Variants in FRY observed in about 807,000 individuals in gnomAD.
FRY encodes protein furry homolog.
A neutral mutation model predicts 348.4 loss-of-function variants in FRY; 128 were observed. The ratio of observed to expected loss-of-function variants is 0.37; its 90% confidence interval spans 0.32 to 0.43. FRY has a LOEUF of 0.43. Ranked by LOEUF, FRY falls within the 20% of genes least tolerant of loss-of-function variation. The pLI, the probability that FRY is intolerant of heterozygous loss-of-function variation, is 1.00. For synonymous variants in FRY, 1,370 were observed against 1,374.7 expected (o/e 1.00, Z 0.08); for missense variants, 2,736 against 3,695.2 (o/e 0.74, Z 6.73).
intron 23 of FRY, among the ~76,000 whole-genome samples, chr13:32,182,144 T>C (rs1251692509): frequency 6.6e-6 from 1 of 152,214 alleles, no homozygotes; most frequent in Non-Finnish European, 1.5e-5. Context: ...TTGGGCATAC[T>C]ACAGACAAAA....
chr13:32,064,383 C>T (rs2138457348), intron 1 of FRY, among the ~76,000 whole-genome samples: 1 of 152,080 alleles, frequency 6.6e-6, no homozygotes, highest in East Asian at 1.9e-4. Flanking sequence ...AGTCCTGCCC[C>T]AACCCCCACA....
Position 32,239,996 on chromosome 13 carries a change from C to T in FRY, c.6687+115C>T. ...TTCGCCTCCCAGAGTGCTAGGATTA[C>T]AGGCGTGGGCCACCATTCCCTGCCA... On this transcript the variant is annotated intron_variant, in intron 46 of 60. Coordinates refer to ENST00000542859, the MANE Select transcript of FRY (RefSeq NM_023037.3). This position sits in a 1 kb window ranked among gnomAD's most constrained non-coding sequence, Gnocchi z 4.3. 1 of 805,150 alleles carries T rather than the reference C, an allele frequency of 1.2e-6. No individual in the cohort carries two copies. 49.9% of individuals were successfully genotyped at this position (805,150 alleles called of 1,614,324 possible).
At chr13:32,067,741 A>C (rs1256697066) in intron 1 of FRY, among the ~76,000 whole-genome samples, 1 of 152,212 alleles carries the variant, frequency 6.6e-6, no homozygotes, top group African/African-American at 2.4e-5. Flanking sequence ...CAGTTGGTCC[A>C]AGTTCCTTCC....
intron 1 of FRY, among the ~76,000 whole-genome samples, chr13:32,034,495 A>G (rs1044082867): frequency 4.6e-5 from 7 of 152,166 alleles, no homozygotes; most frequent in Non-Finnish European, 1.0e-4. Context: ...GATGTCTGGA[A>G]ATAAAATGTC....
chr13:32,260,935 T>G (rs898412826), intron 51 of FRY, among the ~76,000 whole-genome samples: 4 of 152,224 alleles, frequency 2.6e-5, no homozygotes, highest in Non-Finnish European at 5.9e-5. Context: ...TCAAGGCCAG[T>G]CTGGCCAACA....
In FRY at chr13:32,295,298, G is replaced by C; in HGVS notation, c.8880G>C (p.Thr2960=). 6.2e-7 allele frequency: 1 copy of C among 1,613,878 alleles called. No homozygotes were observed. Among genetic ancestry groups the C allele is most frequent in the Non-Finnish European group, 8.5e-7 (1 of 1,179,862 alleles). The change falls in exon 61 of 61, where the codon ACG becomes ACC. Residue 2960 remains threonine, a synonymous_variant. Transcript: ENST00000542859. ...IYFRHQTLGQ[T]GTYALVGSNQ... ...TCCGTCACCAAACTCTGGGACAGAC[G>C]GGTACTTATGCCCTGGTGGGGTCTA... is the stretch of plus-strand genomic sequence containing the variant.
At chr13:32,238,359 C>T (rs775824978) in intron 44 of FRY, among the ~76,000 whole-genome samples, 2 of 151,096 alleles carry the variant, frequency 1.3e-5, no homozygotes, top group Non-Finnish European at 2.9e-5. Flanking sequence ...GCTTTTTGTT[C>T]TTCTTGGAAA....
At position 32,295,513 on chromosome 13, in the gene FRY, G is replaced by A. The variant is rs761227301; in HGVS notation, c.*53G>A. On this transcript the variant is annotated 3_prime_UTR_variant, in exon 61 of 61. Coordinates refer to ENST00000542859, the MANE Select transcript of FRY (RefSeq NM_023037.3). ...CAAACTGGCAGTGCTGCCATGCTGGGGCAACGTCATTCAGTGTCTTCTCGG... is the reference window on the plus strand; with the variant it reads ...CAAACTGGCAGTGCTGCCATGCTGGAGCAACGTCATTCAGTGTCTTCTCGG... The A allele has an allele frequency of 6.4e-6, 10 of 1,557,790 alleles. No individual in the cohort carries two copies. Among genetic ancestry groups the A allele is most frequent in the African/African-American group, 1.4e-5 (1 of 74,054 alleles).
intron 2 of FRY, among the ~76,000 whole-genome samples, chr13:32,091,537 C>G (rs913689867): frequency 2.6e-5 from 4 of 152,172 alleles, no homozygotes; most frequent in Admixed American, 1.3e-4. Flanking sequence ...TTGGTTCATA[C>G]GAAGTAGAGT....
At chr13:32,190,812 A>G (rs1395777997) in intron 28 of FRY, among the ~76,000 whole-genome samples, 3 of 152,208 alleles carry the variant, frequency 2.0e-5, no homozygotes, top group Non-Finnish European at 2.9e-5. Flanking sequence ...GATATTTGTG[A>G]CAACTGAAAG....
chr13:32,133,768 C>CTT (rs34413710), intron 8 of FRY, among the ~76,000 whole-genome samples: 1,687 of 89,192 alleles, frequency 0.019, 45 homozygotes, highest in Non-Finnish European at 0.025. Context: ...TTCTTTCTTT[C>CTT]TTTTTTTTTT....
chr13:32,209,519 C>T (rs948943750), intron 32 of FRY, 66 bp from the exon 33 acceptor site: 15 of 1,514,634 alleles, frequency 9.9e-6, no homozygotes, highest in Non-Finnish European at 1.4e-5. Context: ...AAACTACTTT[C>T]AGTCAAACCT....
intron 7 of FRY, among the ~76,000 whole-genome samples, chr13:32,131,353 C>T (rs1879348718): frequency 6.6e-6 from 1 of 152,148 alleles, no homozygotes; most frequent in South Asian, 2.1e-4. Context: ...TTGAAAATGG[C>T]CAAGCCTGAG....
At chr13:32,076,216 G>A (rs1431269285) in intron 1 of FRY, among the ~76,000 whole-genome samples, 4 of 152,132 alleles carry the variant, frequency 2.6e-5, no homozygotes, top group African/African-American at 9.7e-5. Context: ...TATGGATCTT[G>A]TCTTGCAATA....
At chr13:32,079,583 A>G (rs1593589266) in intron 2 of FRY, among the ~76,000 whole-genome samples, 1 of 152,186 alleles carries the variant, frequency 6.6e-6, no homozygotes, top group African/African-American at 2.4e-5. Flanking sequence ...ACTTACCTTT[A>G]GTTCCCTCAT....
chr13:32,194,068 A>G (rs1436731445), intron 28 of FRY, 75 bp from the exon 29 acceptor site: 1 of 1,411,008 alleles, frequency 7.1e-7, no homozygotes, highest in Non-Finnish European at 1.0e-6. Flanking sequence ...TATATTGACT[A>G]AGCTTTATCT....
chr13:32,171,184 C>A lies in FRY; in HGVS notation c.2065C>A (p.Leu689Met). ...HTLLDSSLKL[L>M]LQLLTQWKLV... Reference sequence around the variant, plus strand: ...ACTCCTTGATTCGTCCCTGAAGTTGCTGCTGCAGCTGCTCACCCAGTGGAA... The same window carrying A: ...ACTCCTTGATTCGTCCCTGAAGTTGATGCTGCAGCTGCTCACCCAGTGGAA... Residue 689 changes from leucine (L) to methionine (M), a missense_variant, in exon 18 of 61, where the codon CTG becomes ATG. Leu to Met is a conservative substitution (Grantham distance 15). Coordinates refer to ENST00000542859, the MANE Select transcript of FRY (RefSeq NM_023037.3). 1 of 1,613,206 alleles carries A rather than the reference C, an allele frequency of 6.2e-7. No individual in the cohort carries two copies. Among genetic ancestry groups the A allele is most frequent in the Non-Finnish European group, 8.5e-7 (1 of 1,179,274 alleles).
intron 3 of FRY, among the ~76,000 whole-genome samples, chr13:32,108,704 T>C (rs1188168432): frequency 6.6e-6 from 1 of 152,212 alleles, no homozygotes; most frequent in Non-Finnish European, 1.5e-5. Flanking sequence ...CTGGACAGTT[T>C]TTCATGTCTA....
intron 8 of FRY, among the ~76,000 whole-genome samples, chr13:32,132,698 G>A (rs1879444667): frequency 6.6e-6 from 1 of 152,124 alleles, no homozygotes; most frequent in South Asian, 2.1e-4. Flanking sequence ...ATATGCACAA[G>A]AGAAATGAAA....
Sources: allele counts gnomAD v4.1 joint callset (sites outside exome capture counted in the v4.1 genomes callset), GRCh38; gene constraint gnomAD v4.1.1; non-coding constraint Gnocchi (gnomAD v3.1); transcripts MANE v1.5; gene names NCBI Gene and HGNC (gene_info 2026-07-23, HGNC 2026-07-21).